Variants in MADD observed in about 807,000 individuals in gnomAD.
MADD encodes the protein MAP kinase activating death domain, also known as MAP kinase-activating death domain protein.
A neutral mutation model predicts 176.7 loss-of-function variants in MADD; 109 were observed. The observed-to-expected ratio is 0.62, with a 90% CI of 0.53 to 0.72. MADD has a LOEUF of 0.72. Ranked by LOEUF, MADD falls within the 30% of genes least tolerant of loss-of-function variation. The pLI, the probability that MADD is intolerant of heterozygous loss-of-function variation, is 0.00. For missense variants in MADD, 1,914 were observed against 2,045.5 expected (o/e 0.94, Z 1.24); for synonymous variants, 771 against 771.3 (o/e 1.00, Z 0.01).
At chr11:47,299,669 G>T (rs1216387454) in intron 22 of MADD, among the ~76,000 whole-genome samples, 1 of 110,248 alleles carries the variant, frequency 9.1e-6, no homozygotes, top group Non-Finnish European at 1.8e-5. Flanking sequence ...AGCTGGGACT[G>T]TAGGCATGCA....
intron 31 of MADD, chr11:47,327,097 C>T (rs1345257634): frequency 1.8e-6 from 2 of 1,137,858 alleles, no homozygotes; most frequent in South Asian, 2.9e-5. Flanking sequence ...GCTGGGCCAG[C>T]CAGTGGTCAG....
At chr11:47,292,025 C>T (rs1473527077) in intron 19 of MADD, among the ~76,000 whole-genome samples, 1 of 152,170 alleles carries the variant, frequency 6.6e-6, no homozygotes, top group Non-Finnish European at 1.5e-5. Context: ...TAACTGCCTG[C>T]ATGAATTGGC....
intron 10 of MADD, among the ~76,000 whole-genome samples, chr11:47,283,492 C>G (rs2058517988): frequency 6.6e-6 from 1 of 152,064 alleles, no homozygotes; most frequent in Non-Finnish European, 1.5e-5. Flanking sequence ...AGTTCTCCCT[C>G]CCAGGTTCAA....
intron 27 of MADD, among the ~76,000 whole-genome samples, chr11:47,321,707 A>G (rs1167897073): frequency 6.6e-6 from 1 of 152,178 alleles, no homozygotes; most frequent in Non-Finnish European, 1.5e-5. Flanking sequence ...TGGGGAGTGG[A>G]AGAGCAGTCA....
At chr11:47,315,313 A>C in exon 27 of MADD, 1 of 1,612,012 alleles carries the variant, frequency 6.2e-7, no homozygotes, top group Non-Finnish European at 8.5e-7. Flanking sequence ...AAACGGAGAT[A>C]TCTTTTTCAT....
intron 22 of MADD, among the ~76,000 whole-genome samples, chr11:47,297,876 C>T (rs1232035457): frequency 6.7e-6 from 1 of 150,204 alleles, no homozygotes; most frequent in East Asian, 1.9e-4. Flanking sequence ...GCAATCTCCA[C>T]CTCCCAGGTT....
chr11:47,324,227 A>G (rs1394432472), intron 28 of MADD, 38 bp from the exon 32 acceptor site: 1 of 1,592,708 alleles, frequency 6.3e-7, no homozygotes, highest in Admixed American at 1.7e-5. Flanking sequence ...AACCCTGGAC[A>G]GCCCTCATGA....
At chr11:47,290,272 A>T (rs1222131573) in exon 18 of MADD, 4 of 1,613,978 alleles carry the variant, frequency 2.5e-6, no homozygotes, top group Non-Finnish European at 3.4e-6. Flanking sequence ...GCTTTTGGAG[A>T]TTGCCCAGAC....
intron 20 of MADD, among the ~76,000 whole-genome samples, chr11:47,295,273 A>G (rs184391308): frequency 6.6e-6 from 1 of 152,170 alleles, no homozygotes; most frequent in African/African-American, 2.4e-5. Context: ...CAGCCTCCCA[A>G]AGTGCTAGGA....
intron 14 of MADD, 106 bp from the exon 15 acceptor site, chr11:47,286,327 G>A: frequency 2.6e-6 from 2 of 764,206 alleles, no homozygotes; most frequent in South Asian, 1.5e-5. Flanking sequence ...CACCAAACTG[G>A]GATTGTGTTT....
chr11:47,280,565 A>T (rs975286229), intron 7 of MADD, among the ~76,000 whole-genome samples: 18 of 152,066 alleles, frequency 1.2e-4, no homozygotes, highest in African/African-American at 2.2e-4. Flanking sequence ...TTAATTAATT[A>T]ATTTATTTAT....
At chr11:47,317,004 A>G (rs1595000929) in intron 27 of MADD, among the ~76,000 whole-genome samples, 1 of 152,244 alleles carries the variant, frequency 6.6e-6, no homozygotes, top group Non-Finnish European at 1.5e-5. Flanking sequence ...TTAGCCTCAC[A>G]AAGTGCTGGG....
chr11:47,311,567 G>A (rs1309119033), intron 25 of MADD, among the ~76,000 whole-genome samples, 165 bp from the exon 29 acceptor site: 1 of 152,184 alleles, frequency 6.6e-6, no homozygotes, highest in Non-Finnish European at 1.5e-5. Flanking sequence ...TCCCCTCATG[G>A]TGGCAGAATA....
intron 27 of MADD, among the ~76,000 whole-genome samples, chr11:47,319,051 G>T (rs528861623): frequency 9.8e-4 from 147 of 150,422 alleles, no homozygotes; most frequent in African/African-American, 3.2e-3. Flanking sequence ...CAAGTGATCT[G>T]CCCACCTCAG....
At chr11:47,294,338 A>G in intron 20 of MADD, among the ~76,000 whole-genome samples, 1 of 146,548 alleles carries the variant, frequency 6.8e-6, no homozygotes. Flanking sequence ...ACAAAGGTGA[A>G]ACTCCATCTC....
Position 47,292,617 on chromosome 11 carries a change from C to T in MADD, c.3302-1266C>T, listed in dbSNP as rs767702212. 4 of 1,613,686 alleles carry T rather than the reference C, an allele frequency of 2.5e-6. No individual in the cohort carries two copies. In the South Asian group the frequency reaches 3.3e-5, roughly 13 times the overall value. On this transcript the variant is annotated intron_variant, in intron 19 of 32. Transcript: ENST00000402192. ...ACAGAGTAAGGAACAAATGCCCTTT[C>T]CTGTTCCCAAGTCCTCCATACCTGC...
exon 33 of MADD, chr11:47,329,680 C>G (rs1460971334): frequency 6.3e-6 from 1 of 158,940 alleles, no homozygotes; most frequent in Admixed American, 5.9e-5. Flanking sequence ...CCCAAGCCGG[C>G]AGCTACTGCC....
intron 14 of MADD, among the ~76,000 whole-genome samples, chr11:47,286,137 C>CAG (rs1169340460): frequency 1.3e-5 from 2 of 152,262 alleles, no homozygotes; most frequent in East Asian, 3.9e-4. Flanking sequence ...AGCTTCAGAC[C>CAG]AGAAGCCTGT....
chr11:47,283,339 C>T (rs911282952), intron 10 of MADD, among the ~76,000 whole-genome samples: 2 of 151,886 alleles, frequency 1.3e-5, no homozygotes, highest in East Asian at 1.9e-4. Context: ...GTGATCTGCC[C>T]GCCTCGGCCT....
Sources: allele counts gnomAD v4.1 joint callset (sites outside exome capture counted in the v4.1 genomes callset), GRCh38; gene constraint gnomAD v4.1.1; transcripts MANE v1.5; gene names NCBI Gene and HGNC (gene_info 2026-07-23, HGNC 2026-07-21).